The following FLOT1 variants were observed in gnomAD, a reference collection of about 807,000 sequenced individuals.
FLOT1 encodes flotillin-1.
In FLOT1, 40 loss-of-function variants were observed where a neutral mutation model predicts 58.4. The ratio of observed to expected loss-of-function variants is 0.69; its 90% CI spans 0.53 to 0.89. The LOEUF is 0.89. Among genes scored for constraint, FLOT1 ranks in the 40% least tolerant of loss-of-function variants. The probability of loss-of-function intolerance (pLI) is 0.00; values close to 1 mark genes in which losing one functional copy is unlikely to be tolerated. For synonymous variants in FLOT1, 178 were observed against 204.2 expected, an observed-to-expected ratio of 0.87 and a Z score of 1.09; for missense variants, 423 against 540.8, an observed-to-expected ratio of 0.78 and a Z score of 2.16.
chr6:30,742,462 C>T lies in FLOT1; in HGVS notation c.-15+65G>A. 1 of 552,578 alleles carries T rather than the reference C, an allele frequency of 1.8e-6. No individual in the cohort carries two copies. Among genetic ancestry groups the T allele is most frequent in the Non-Finnish European group, 3.2e-6 (1 of 309,922 alleles). The allele number at this position is 552,578 out of a possible 1,614,324, so 34.2% of individuals were successfully genotyped here. A position where few individuals can be genotyped will look rare whatever the true frequency, so the allele number is the denominator to read the frequency against. On this transcript the variant is annotated intron_variant, in intron 1 of 12. Transcript: ENST00000376389. The surrounding 1 kb of genome is among the most constrained non-coding windows in gnomAD (Gnocchi z 5.2). ...AAGGTCCCCCGCGCCCAGAGGCCTG[C>T]AGACCTTTCCCCTCTCTCCCTGCTT...
intron 12 of FLOT1, among the ~76,000 whole-genome samples, chr6:30,729,777 A>G (rs1428750162): frequency 6.6e-6 from 1 of 152,232 alleles, no homozygotes; most frequent in African/African-American, 2.4e-5. Context: ...CAGCTGCACT[A>G]GCAGAATGAG....
chr6:30,731,485 C>CA (rs35667527), intron 8 of FLOT1, among the ~76,000 whole-genome samples: 28,669 of 83,508 alleles, frequency 0.34, 4,420 homozygotes, highest in East Asian at 0.53. Flanking sequence ...ACTCCATCTC[C>CA]AAAAAAAAAA....
Position 30,742,320 on chromosome 6 carries a change from T to C in FLOT1, c.-14-117A>G. 1.2e-6 allele frequency: 1 copy of C among 836,770 alleles called. No individual in the cohort carries two copies. The highest frequency in any genetic ancestry group is 2.0e-6 in the Non-Finnish European group (1 of 488,310). The allele number at this position is 836,770 out of a possible 1,614,324, so 51.8% of individuals were successfully genotyped here. ...CCCAGTCTGCATCCGCCACGGCCCG[T>C]CCCTTCTACACCCATGGGTCCGCTA... On this transcript the variant is annotated intron_variant, in intron 1 of 12. Transcript: ENST00000376389. This position sits in a 1 kb window ranked among gnomAD's most constrained non-coding sequence, Gnocchi z 5.2.
At chr6:30,728,693 C>T (rs1776923443) in intron 12 of FLOT1, among the ~76,000 whole-genome samples, 1 of 151,974 alleles carries the variant, frequency 6.6e-6, no homozygotes, top group Admixed American at 6.6e-5. Context: ...TGATCTCAAA[C>T]TTCTGACCTC....
Position 30,727,997 on chromosome 6 carries a change from T to TG in FLOT1, c.*118dup. On this transcript the variant is annotated 3_prime_UTR_variant, in exon 13 of 13. Transcript: ENST00000376389. ...GCACAAACTATTTGGCAAGGAGAGATGAGGGGTGGGACCTCACTGTCAATG... is the reference window on the plus strand; with the variant it reads ...GCACAAACTATTTGGCAAGGAGAGATGGAGGGGTGGGACCTCACTGTCAATG... 2.1e-6 allele frequency: 2 copies of TG among 937,650 alleles called. No individual in the cohort carries two copies. The highest frequency in any genetic ancestry group is 3.5e-6 in the Non-Finnish European group (2 of 571,762). The allele number at this position is 937,650 out of a possible 1,614,324, so 58.1% of individuals were successfully genotyped here. A position where few individuals can be genotyped will look rare whatever the true frequency, so the allele number is the denominator to read the frequency against.
In FLOT1 at chr6:30,737,200, A is replaced by ACTGTCTGT. The variant is rs148129292; in HGVS notation, c.723+2950_723+2957dup. ...CCACGTATGACTGACTGACTGACTG[A>ACTGTCTGT]CTGTCTGTCGTCCGTCCGTCCGTCC... On this transcript the variant is annotated intron_variant, in intron 8 of 12. Transcript: ENST00000376389. This position sits in a 1 kb window ranked among gnomAD's most constrained non-coding sequence, Gnocchi z 4.4. 2.8e-5 allele frequency among the ~76,000 whole-genome samples: 4 copies of ACTGTCTGT among 143,784 alleles called. No homozygotes were observed. Among genetic ancestry groups the ACTGTCTGT allele is most frequent in the African/African-American group, 1.1e-4 (4 of 37,992 alleles). 94.3% of individuals were successfully genotyped at this position (143,784 alleles called of 152,430 possible). A position where few individuals can be genotyped will look rare whatever the true frequency, so the allele number is the denominator to read the frequency against.
chr6:30,734,942 G>C (rs185081789), intron 8 of FLOT1, among the ~76,000 whole-genome samples: 1 of 152,220 alleles, frequency 6.6e-6, no homozygotes, highest in Admixed American at 6.5e-5. Flanking sequence ...AAACTCCTTT[G>C]TCATCTGCTC....
intron 8 of FLOT1, among the ~76,000 whole-genome samples, chr6:30,739,235 C>G (rs1259559336): frequency 1.3e-5 from 2 of 151,114 alleles, no homozygotes; most frequent in African/African-American, 2.4e-5. Flanking sequence ...TGTCAGAATG[C>G]ACTGCTTGAT....
In FLOT1 at chr6:30,740,496, C is replaced by A. The variant is rs1462005850; in HGVS notation, c.570G>T (p.Arg190=). The A allele has an allele frequency of 6.2e-7, 1 of 1,612,426 alleles. No homozygotes were observed. The highest frequency in any genetic ancestry group is 1.7e-5 in the Admixed American group (1 of 60,018). ...ACTAAGCAACCCCCATCTCTCTCAC[C>A]CGGATCCCAGCATCTCTCTTGGCCT... ...EAEAKRDAGI[R]EAKAKQEKVS... The change falls in exon 7 of 13, where the codon CGG becomes CGT. Residue 190 remains arginine (R), a splice_region_variant and synonymous_variant. Transcript: ENST00000376389.
At chr6:30,730,767 C>G in intron 9 of FLOT1, 40 bp from the exon 10 acceptor site, 5 of 1,612,304 alleles carry the variant, frequency 3.1e-6, no homozygotes, top group African/African-American at 1.3e-5. Context: ...GCCCAGCAGC[C>G]CTTACTCCCA....
In FLOT1 at chr6:30,742,590, G is replaced by GGGAGCCGGGCA. The variant is rs567473734; in HGVS notation, c.-89_-79dup. The GGGAGCCGGGCA allele has an allele frequency of 2.3e-4, 55 of 237,672 alleles. No homozygotes were observed. The highest frequency in any genetic ancestry group is 1.3e-3 in the South Asian group (22 of 17,210). The allele number at this position is 237,672 out of a possible 1,614,324, so 14.7% of individuals were successfully genotyped here. The stretch of plus-strand genomic sequence containing the variant: ...GAAGGGCGGGGTCGCGCAGGGACCT[G>GGGAGCCGGGCA]GGAGCCGGGCAGGGGCCGCTCGCAG... On this transcript the variant is annotated 5_prime_UTR_variant, in exon 1 of 13. Transcript: ENST00000376389. This position sits in a 1 kb window ranked among gnomAD's most constrained non-coding sequence, Gnocchi z 5.2.
At chr6:30,732,357 ACAT>A (rs1310507237) in intron 8 of FLOT1, among the ~76,000 whole-genome samples, 2 of 151,730 alleles carry the variant, frequency 1.3e-5, no homozygotes, top group African/African-American at 4.8e-5. Context: ...GGCAAGGAAC[ACAT>A]TTTTTTTTTC....
In FLOT1 at chr6:30,731,113, G is replaced by A. The variant is rs1777158286; in HGVS notation, c.724-13C>T. ...TAGTCTTGGCCACCTGGGTAGGAGG[G>A]TGAAGTCAGGTTCACGCTCTGAGTC... is the stretch of plus-strand genomic sequence containing the variant. On this transcript the variant is annotated splice_polypyrimidine_tract_variant and intron_variant, in intron 8 of 12. Coordinates refer to ENST00000376389, the MANE Select transcript of FLOT1 (RefSeq NM_005803.4). 6.3e-7 allele frequency: 1 copy of A among 1,587,884 alleles called. No individual in the cohort carries two copies. Among genetic ancestry groups the A allele is most frequent in the South Asian group, 1.1e-5 (1 of 90,142 alleles).
rs187249363 is a variant in FLOT1, at chr6:30,728,582, G to A, written c.1255-437C>T. Reference sequence around the variant, plus strand: ...CCTCCTGAGTTCAAGTGATTCTCCTGCCTCAGCCTCCCGAGTAGCTGGGAT... The same window carrying A: ...CCTCCTGAGTTCAAGTGATTCTCCTACCTCAGCCTCCCGAGTAGCTGGGAT... On this transcript the variant is annotated intron_variant, in intron 12 of 12. Coordinates refer to ENST00000376389, the MANE Select transcript of FLOT1 (RefSeq NM_005803.4). 2.1e-4 allele frequency among the ~76,000 whole-genome samples: 31 copies of A among 151,080 alleles called. No individual in the cohort carries two copies. The Admixed American group carries it at 2.1e-3, about 10-fold the overall frequency.
Position 30,741,409 on chromosome 6 carries a change from G to C in FLOT1, c.211-76C>G, listed in dbSNP as rs543338271. 16 of 1,565,876 alleles carry C rather than the reference G, an allele frequency of 1.0e-5. No individual in the cohort carries two copies. The South Asian group carries it at 1.4e-4, about 14-fold the overall frequency. Reference sequence around the variant, plus strand: ...AGAGAAAAAGCAGAGAGAGAAGGGAGAGCCCTCTAAGAAATGCTTCTTCCA... The same window carrying C: ...AGAGAAAAAGCAGAGAGAGAAGGGACAGCCCTCTAAGAAATGCTTCTTCCA... On this transcript the variant is annotated intron_variant, in intron 4 of 12. Coordinates refer to ENST00000376389, the MANE Select transcript of FLOT1 (RefSeq NM_005803.4). This position sits in a 1 kb window ranked among gnomAD's most constrained non-coding sequence, Gnocchi z 5.9.
rs1777862835 is a variant in FLOT1, at chr6:30,740,141, C to G, written c.723+17G>C. The stretch of plus-strand genomic sequence containing the variant: ...GAATGGGGAAGGGGCAGAGAGTGGC[C>G]TGGCAGTGGCTCTGACCTGAAGCTG... On this transcript the variant is annotated intron_variant, in intron 8 of 12. Coordinates refer to ENST00000376389, the MANE Select transcript of FLOT1 (RefSeq NM_005803.4). The G allele has an allele frequency of 6.2e-7, 1 of 1,612,070 alleles. No homozygotes were observed. The highest frequency in any genetic ancestry group is 2.2e-5 in the East Asian group (1 of 44,872).
chr6:30,732,733 C>A (rs1026190155), intron 8 of FLOT1, among the ~76,000 whole-genome samples: 3 of 152,148 alleles, frequency 2.0e-5, no homozygotes, highest in Non-Finnish European at 2.9e-5. Flanking sequence ...ACATGTGATG[C>A]TTCCCCTGCC....
At chr6:30,728,788 C>CTTTT (rs34999479) in intron 12 of FLOT1, among the ~76,000 whole-genome samples, 1 of 147,508 alleles carries the variant, frequency 6.8e-6, no homozygotes, top group African/African-American at 2.5e-5. Flanking sequence ...ATTTCTTTCT[C>CTTTT]TTTTTTTTTT....
intron 5 of FLOT1, 177 bp from the exon 6 acceptor site, chr6:30,740,975 AG>A: frequency 8.9e-7 from 1 of 1,126,414 alleles, no homozygotes; most frequent in Non-Finnish European, 1.2e-6. Flanking sequence ...GTAGTAGAGA[AG>A]GGGTTTCACC....
Sources: gnomAD v4.1 joint callset for allele counts (sites outside exome capture counted in the v4.1 genomes callset) on GRCh38, gnomAD v4.1.1 for gene constraint, Gnocchi (gnomAD v3.1) non-coding constraint, MANE v1.5 for transcripts, NCBI Gene and HGNC (gene_info 2026-07-23, HGNC 2026-07-21) for gene names.